Variants in MMP26 observed in about 807,000 individuals in gnomAD.
MMP26 encodes the protein matrix metalloproteinase-26.
MMP26 carries 33 observed loss-of-function variants against 31.0 expected under a neutral mutation model. The ratio of observed to expected loss-of-function variants is 1.06; its 90% CI spans 0.81 to 1.42. The LOEUF is 1.42. Ranked by LOEUF, MMP26 falls within the 40% of genes most tolerant of loss-of-function variation. The pLI is 0.00. For missense variants in MMP26, 347 were observed against 316.1 expected (o/e 1.10, Z -0.74); for synonymous variants, 122 against 114.9 (o/e 1.06, Z -0.40).
At chr11:4,939,116 C>T (rs1352938900) in intron 2 of MMP26, among the ~76,000 whole-genome samples, 1 of 152,040 alleles carries the variant, frequency 6.6e-6, no homozygotes, top group Non-Finnish European at 1.5e-5. Context: ...AAATAGCTTC[C>T]TTATTATTTT....
At chr11:4,943,506 C>T (rs1394016462) in intron 2 of MMP26, 7 of 455,794 alleles carry the variant, frequency 1.5e-5, no homozygotes, top group African/African-American at 6.0e-5. Flanking sequence ...TGCTTGGCAC[C>T]ACTGACATTT....
At chr11:4,862,154 G>T (rs180885943) in intron 2 of MMP26, among the ~76,000 whole-genome samples, 4 of 152,096 alleles carry the variant, frequency 2.6e-5, no homozygotes, top group Non-Finnish European at 5.9e-5. Context: ...CAATTATGCC[G>T]ATTCCAAATA....
In MMP26 at chr11:4,706,598, A is replaced by C. The variant is rs1181407065; in HGVS notation, c.-217+1553A>C. Among the ~76,000 whole-genome samples the C allele has an allele frequency of 5.7e-5, 7 of 122,958 alleles. No individual in the cohort carries two copies. The South Asian group carries it at 6.8e-4, about 12-fold the overall frequency. 80.7% of individuals were successfully genotyped at this position (122,958 alleles called of 152,430 possible). On this transcript the variant is annotated intron_variant, in intron 1 of 7. Coordinates refer to ENST00000380390, the MANE Select transcript of MMP26 (RefSeq NM_021801.5). ...ATCTCAAAAAAAAAAAAAAAAAAAA[A>C]AGACAGAAAGAAAGAAAGAAAGAAA...
intron 2 of MMP26, among the ~76,000 whole-genome samples, chr11:4,842,939 C>T (rs895636493): frequency 1.3e-5 from 2 of 152,132 alleles, no homozygotes; most frequent in African/African-American, 2.4e-5. Context: ...TGGCCAAAAC[C>T]AAGGGGCTAC....
chr11:4,850,091 T>C (rs1197567639), intron 2 of MMP26, among the ~76,000 whole-genome samples: 1 of 152,230 alleles, frequency 6.6e-6, no homozygotes, highest in African/African-American at 2.4e-5. Context: ...TTATTTCTTC[T>C]ATCTAAGTGT....
Position 4,990,879 on chromosome 11 carries a change from A to C in MMP26, c.469+133A>C, listed in dbSNP as rs1846989830. 4.7e-6 allele frequency: 4 copies of C among 855,772 alleles called. No individual in the cohort carries two copies. The South Asian group carries it at 9.4e-5, about 20-fold the overall frequency. 53.0% of individuals were successfully genotyped at this position (855,772 alleles called of 1,614,324 possible). A position where few individuals can be genotyped will look rare whatever the true frequency, so the allele number is the denominator to read the frequency against. On this transcript the variant is annotated intron_variant, in intron 5 of 7. Coordinates refer to ENST00000380390, the MANE Select transcript of MMP26 (RefSeq NM_021801.5). ...AAAAGTCTGACAAAACCCTACTGCA[A>C]AGCAAATCCTGTAATAGGGAAGACA... is the stretch of plus-strand genomic sequence containing the variant.
intron 1 of MMP26, chr11:4,711,419 A>G (rs895197247): frequency 1.3e-5 from 2 of 152,230 alleles, no homozygotes; most frequent in Non-Finnish European, 2.9e-5. Flanking sequence ...TTGCTGACAT[A>G]TTCTTTACAC....
At position 4,881,036 on chromosome 11, in the gene MMP26, C is replaced by T. The variant is rs143512957; in HGVS notation, c.-144-107032C>T. On this transcript the variant is annotated intron_variant, in intron 2 of 7. Coordinates refer to ENST00000380390, the MANE Select transcript of MMP26 (RefSeq NM_021801.5). Reference sequence around the variant, plus strand: ...AGATGCTACCTTCTTCCTGGCCAGTCAGATGGAGACTTGTACCTGAAGAGA... The same window carrying T: ...AGATGCTACCTTCTTCCTGGCCAGTTAGATGGAGACTTGTACCTGAAGAGA... 1.1e-4 allele frequency among the ~76,000 whole-genome samples: 16 copies of T among 152,216 alleles called. 1 individual carries two copies. The highest frequency in any genetic ancestry group is 3.6e-4 in the African/African-American group (15 of 41,542).
intron 2 of MMP26, among the ~76,000 whole-genome samples, chr11:4,834,456 CA>C (rs1322956001): frequency 1.3e-5 from 2 of 152,152 alleles, no homozygotes; most frequent in Admixed American, 6.6e-5. Context: ...TAGGACTGTG[CA>C]ATCCTTATTT....
At chr11:4,723,993 C>G (rs1162610677) in intron 1 of MMP26, 1 of 720,284 alleles carries the variant, frequency 1.4e-6, no homozygotes, top group African/African-American at 1.7e-5. Context: ...TGATGCCTCC[C>G]ATGCCGCTGG....
intron 3 of MMP26, among the ~76,000 whole-genome samples, chr11:4,989,157 G>C (rs1225713366): frequency 6.6e-6 from 1 of 152,180 alleles, no homozygotes; most frequent in East Asian, 1.9e-4. Flanking sequence ...AGAAAAATCA[G>C]TGGAGACAAG....
intron 2 of MMP26, chr11:4,803,906 C>T: frequency 6.2e-7 from 1 of 1,612,988 alleles, no homozygotes; most frequent in Non-Finnish European, 8.5e-7. Context: ...AAGGGGCTCA[C>T]CCACAGCAGC....
chr11:4,830,174 C>T (rs1849628173), intron 2 of MMP26: 2 of 152,202 alleles, frequency 1.3e-5, no homozygotes, highest in Non-Finnish European at 2.9e-5. Flanking sequence ...AACAGAGAAG[C>T]TGCAGAAGCT....
At chr11:4,853,930 C>T (rs2133502670) in intron 2 of MMP26, among the ~76,000 whole-genome samples, 1 of 152,218 alleles carries the variant, frequency 6.6e-6, no homozygotes, top group South Asian at 2.1e-4. Flanking sequence ...AAATTCTGCA[C>T]TGTGATTTTG....
At chr11:4,946,519 G>A (rs372640148) in intron 2 of MMP26, 191 of 1,608,230 alleles carry the variant, frequency 1.2e-4, no homozygotes, top group Admixed American at 6.7e-5. Context: ...CATCAATTCT[G>A]TTGTCAGAAC....
At chr11:4,850,181 C>T (rs529863563) in intron 2 of MMP26, among the ~76,000 whole-genome samples, 79 of 152,218 alleles carry the variant, frequency 5.2e-4, no homozygotes, top group African/African-American at 1.9e-3. Context: ...GACATCAACT[C>T]GAGTCTACAA....
chr11:4,828,372 A>G (rs1039619228), intron 2 of MMP26, among the ~76,000 whole-genome samples: 1 of 152,198 alleles, frequency 6.6e-6, no homozygotes, highest in East Asian at 1.9e-4. Flanking sequence ...TAAGCTCAAT[A>G]AAAGCAATGC....
At chr11:4,705,378 A>G (rs1263198534) in intron 1 of MMP26, among the ~76,000 whole-genome samples, 1 of 152,202 alleles carries the variant, frequency 6.6e-6, no homozygotes, top group Admixed American at 6.5e-5. Flanking sequence ...TGAATTTGAG[A>G]ACGTCGTATG....
At chr11:4,980,673 A>T (rs981553896) in intron 2 of MMP26, among the ~76,000 whole-genome samples, 5 of 152,140 alleles carry the variant, frequency 3.3e-5, no homozygotes, top group African/African-American at 7.2e-5. Flanking sequence ...TATACATGTT[A>T]TTTCTTGAAA....
Sources: gnomAD v4.1 joint callset for allele counts (sites outside exome capture counted in the v4.1 genomes callset) on GRCh38, gnomAD v4.1.1 for gene constraint, MANE v1.5 for transcripts, NCBI Gene and HGNC (gene_info 2026-07-23, HGNC 2026-07-21) for gene names.